SLC25A26: variants seen among roughly 807,000 people sequenced by gnomAD.
SLC25A26 encodes mitochondrial S-adenosylmethionine carrier protein.
A neutral mutation model predicts 37.8 loss-of-function variants in SLC25A26; 36 were observed. That is an observed-to-expected ratio of 0.95 (90% CI 0.73 to 1.26). The LOEUF (loss-of-function observed/expected upper bound fraction) is 1.26, where lower values mean the gene tolerates loss of function less well. SLC25A26 is among the 50% of genes most tolerant of loss of function. SLC25A26 has a pLI of 0.00. For missense variants in SLC25A26, 390 were observed against 331.1 expected (o/e 1.18, Z -1.38); for synonymous variants, 129 against 122.5 (o/e 1.05, Z -0.35).
chr3:66,249,219 G>GGAACCTCAGTGAGA (rs2072980656), intron 3 of SLC25A26, among the ~76,000 whole-genome samples: 2 of 72,154 alleles, frequency 2.8e-5, no homozygotes, highest in Admixed American at 1.4e-4. Flanking sequence ...TTAGAATGAG[G>GGAACCTCAGTGAGA]TTTTCTCCAA....
At chr3:66,327,217 T>G (rs1186718413) in intron 5 of SLC25A26, among the ~76,000 whole-genome samples, 1 of 152,178 alleles carries the variant, frequency 6.6e-6, no homozygotes, top group Non-Finnish European at 1.5e-5. Flanking sequence ...TTCCAACTTG[T>G]ATATTTCATA....
At chr3:66,249,533 A>G (rs782294738) in intron 3 of SLC25A26, among the ~76,000 whole-genome samples, 1 of 152,208 alleles carries the variant, frequency 6.6e-6, no homozygotes, top group Non-Finnish European at 1.5e-5. Context: ...AAAAATGAGT[A>G]CGTAGTATTC....
intron 1 of SLC25A26, among the ~76,000 whole-genome samples, chr3:66,161,300 G>A (rs929894149): frequency 1.3e-5 from 2 of 152,160 alleles, no homozygotes; most frequent in Admixed American, 1.3e-4. Context: ...CTGGGCTGTA[G>A]CAGGAGAGCC....
At chr3:66,318,691 G>C (rs1048340082) in intron 5 of SLC25A26, among the ~76,000 whole-genome samples, 1 of 151,642 alleles carries the variant, frequency 6.6e-6, no homozygotes, top group Non-Finnish European at 1.5e-5. Flanking sequence ...GACAGGCTCG[G>C]AGACTCTGTC....
chr3:66,189,743 C>T (rs2106785770), intron 1 of SLC25A26, among the ~76,000 whole-genome samples: 1 of 152,280 alleles, frequency 6.6e-6, no homozygotes, highest in East Asian at 1.9e-4. Context: ...CTCACTGCAG[C>T]CTCAACCTCC....
At chr3:66,329,635 GA>G in intron 5 of SLC25A26, among the ~76,000 whole-genome samples, 1 of 152,184 alleles carries the variant, frequency 6.6e-6, no homozygotes, top group African/African-American at 2.4e-5. Context: ...TTAAATGTAA[GA>G]AAATTGAAAG....
At chr3:66,193,960 C>A (rs2070994581) in intron 1 of SLC25A26, among the ~76,000 whole-genome samples, 1 of 152,132 alleles carries the variant, frequency 6.6e-6, no homozygotes, top group Non-Finnish European at 1.5e-5. Context: ...GTCAACTGAG[C>A]GTGCCTCAAC....
At chr3:66,149,635 C>G (rs572073688) in intron 1 of SLC25A26, among the ~76,000 whole-genome samples, 2 of 152,228 alleles carry the variant, frequency 1.3e-5, no homozygotes, top group Non-Finnish European at 2.9e-5. Context: ...TTGCCATTGT[C>G]CAGGTAAACA....
chr3:66,298,418 A>G (rs2074972867), intron 5 of SLC25A26, among the ~76,000 whole-genome samples: 1 of 152,236 alleles, frequency 6.6e-6, no homozygotes, highest in Non-Finnish European at 1.5e-5. Flanking sequence ...GCATATTTTT[A>G]ATGGACAGAA....
At chr3:66,363,770 GT>G (rs2076765372) in intron 7 of SLC25A26, among the ~76,000 whole-genome samples, 1 of 152,254 alleles carries the variant, frequency 6.6e-6, no homozygotes, top group Admixed American at 6.5e-5. Context: ...GGTCATTTTT[GT>G]TGTTGTTGTC....
At chr3:66,194,307 T>C (rs1178179270) in intron 1 of SLC25A26, among the ~76,000 whole-genome samples, 2 of 152,196 alleles carry the variant, frequency 1.3e-5, no homozygotes, top group African/African-American at 4.8e-5. Flanking sequence ...CCATGCTGGG[T>C]TGGGGGTTGA....
chr3:66,225,616 C>G (rs1030731463), intron 1 of SLC25A26, among the ~76,000 whole-genome samples: 1 of 152,198 alleles, frequency 6.6e-6, no homozygotes, highest in African/African-American at 2.4e-5. Context: ...GTTATTTATG[C>G]AAATTTCTGC....
intron 1 of SLC25A26, among the ~76,000 whole-genome samples, chr3:66,227,910 G>T (rs1253367229): frequency 6.6e-6 from 1 of 152,070 alleles, no homozygotes; most frequent in Non-Finnish European, 1.5e-5. Flanking sequence ...CTGTTTTGTT[G>T]TTTTTCTTGT....
At chr3:66,274,123 A>C (rs1483666112) in intron 5 of SLC25A26, among the ~76,000 whole-genome samples, 1 of 151,996 alleles carries the variant, frequency 6.6e-6, no homozygotes, top group African/African-American at 2.4e-5. Context: ...GATCTTTGAC[A>C]AACCTGAGAA....
At chr3:66,166,489 G>A (rs1402373788) in intron 1 of SLC25A26, among the ~76,000 whole-genome samples, 2 of 152,300 alleles carry the variant, frequency 1.3e-5, no homozygotes, top group East Asian at 3.9e-4. Flanking sequence ...ACTTCGATGT[G>A]AATTTAATTC....
chr3:66,151,509 G>A (rs983510370), intron 1 of SLC25A26, among the ~76,000 whole-genome samples: 4 of 152,224 alleles, frequency 2.6e-5, no homozygotes, highest in African/African-American at 9.7e-5. Context: ...AACTTGGCTT[G>A]TAATGTGTTA....
chr3:66,147,877 G>A (rs939415705), intron 1 of SLC25A26, among the ~76,000 whole-genome samples: 3 of 152,094 alleles, frequency 2.0e-5, no homozygotes, highest in Non-Finnish European at 1.5e-5. Context: ...TCCTGCCTCA[G>A]CCTCCCCAGT....
chr3:66,179,674 T>C (rs1049780199), intron 1 of SLC25A26, among the ~76,000 whole-genome samples: 2 of 152,144 alleles, frequency 1.3e-5, no homozygotes, highest in Non-Finnish European at 2.9e-5. Context: ...AACTATAACA[T>C]ATACGCTTTA....
chr3:66,371,693 T>C (rs1700351834), intron 9 of SLC25A26, among the ~76,000 whole-genome samples: 1 of 151,984 alleles, frequency 6.6e-6, no homozygotes, highest in Admixed American at 6.6e-5. Context: ...TGCCATATCG[T>C]GAGGGGTGCT....
Sources: gnomAD v4.1 joint callset for allele counts (sites outside exome capture counted in the v4.1 genomes callset) on GRCh38, gnomAD v4.1.1 for gene constraint, MANE v1.5 for transcripts, NCBI Gene and HGNC (gene_info 2026-07-23, HGNC 2026-07-21) for gene names.